The following DPY19L3 variants were observed in gnomAD, a reference collection of about 807,000 sequenced individuals.
The protein encoded by DPY19L3 is protein C-mannosyl-transferase DPY19L3.
In DPY19L3, 51 loss-of-function variants were observed where a neutral mutation model predicts 92.3. That is an observed-to-expected ratio of 0.55 (90% confidence interval 0.44 to 0.70). The LOEUF (loss-of-function observed/expected upper bound fraction) is 0.70. DPY19L3 is among the 30% of genes least tolerant of loss of function. The pLI, the probability that DPY19L3 is intolerant of heterozygous loss-of-function variation, is 0.00. For missense variants in DPY19L3, 706 were observed against 855.9 expected (o/e 0.82, Z 2.18); for synonymous variants, 309 against 315.2 (o/e 0.98, Z 0.21).
At chr19:32,433,356 C>G (rs565661442) in intron 4 of DPY19L3, among the ~76,000 whole-genome samples, 2 of 152,276 alleles carry the variant, frequency 1.3e-5, no homozygotes, top group East Asian at 3.9e-4. Flanking sequence ...GAAAACTGCT[C>G]TTTTATAGGC....
intron 8 of DPY19L3, among the ~76,000 whole-genome samples, chr19:32,446,759 CA>C (rs1264226092): frequency 6.6e-6 from 1 of 152,192 alleles, no homozygotes; most frequent in African/African-American, 2.4e-5. Flanking sequence ...GAAAAATTCA[CA>C]ATCGCAGTTT....
At chr19:32,434,320 TGC>T (rs1026355436) in intron 4 of DPY19L3, among the ~76,000 whole-genome samples, 1 of 152,180 alleles carries the variant, frequency 6.6e-6, no homozygotes, top group Non-Finnish European at 1.5e-5. Context: ...GTCTGTTTTA[TGC>T]CATGTCCTTT....
chr19:32,482,350 A>T lies in DPY19L3; in HGVS notation c.*110A>T. 1 of 1,265,696 alleles carries T rather than the reference A, an allele frequency of 7.9e-7. No individual in the cohort carries two copies. The allele number at this position is 1,265,696 out of a possible 1,614,324, so 78.4% of individuals were successfully genotyped here. The stretch of plus-strand genomic sequence containing the variant: ...AGGTAGCCCAAACCTTCAAGCTGTG[A>T]TATGAGTAAGTTCTACAGATGTTTA... On this transcript the variant is annotated 3_prime_UTR_variant, in exon 19 of 19. Coordinates refer to ENST00000392250, the MANE Select transcript of DPY19L3 (RefSeq NM_001172774.2).
chr19:32,470,727 T>G (rs1263529995), intron 16 of DPY19L3, among the ~76,000 whole-genome samples: 2 of 151,822 alleles, frequency 1.3e-5, no homozygotes, highest in Admixed American at 6.6e-5. Context: ...AGACCCTCCT[T>G]TTGCTAACAG....
chr19:32,411,405 C>G (rs1265439776), intron 3 of DPY19L3, 33 bp downstream of exon 3: 2 of 1,612,158 alleles, frequency 1.2e-6, no homozygotes, highest in East Asian at 2.2e-5. Flanking sequence ...GTATCATTCA[C>G]TCAGTGGGAT....
At chr19:32,450,226 CAG>C (rs765779930) in intron 8 of DPY19L3, among the ~76,000 whole-genome samples, 46 of 152,076 alleles carry the variant, frequency 3.0e-4, no homozygotes, top group Non-Finnish European at 5.9e-4. Context: ...AATTAAAAAA[CAG>C]AGACAAATGT....
intron 7 of DPY19L3, among the ~76,000 whole-genome samples, chr19:32,439,528 A>G (rs925561010): frequency 1.3e-5 from 2 of 152,180 alleles, no homozygotes; most frequent in African/African-American, 4.8e-5. Context: ...CTTGCTCTTG[A>G]GATGTGATTT....
At chr19:32,433,827 A>G (rs1485998742) in intron 4 of DPY19L3, among the ~76,000 whole-genome samples, 2 of 152,190 alleles carry the variant, frequency 1.3e-5, no homozygotes, top group African/African-American at 2.4e-5. Flanking sequence ...CCCTGTGATG[A>G]TAGCCAGATT....
At chr19:32,409,489 T>C (rs1361565737) in intron 2 of DPY19L3, among the ~76,000 whole-genome samples, 1 of 152,264 alleles carries the variant, frequency 6.6e-6, no homozygotes, top group African/African-American at 2.4e-5. Flanking sequence ...TGTGGCCATA[T>C]GTTTGTTTAA....
At chr19:32,427,258 G>A (rs1439989833) in intron 3 of DPY19L3, among the ~76,000 whole-genome samples, 2 of 152,168 alleles carry the variant, frequency 1.3e-5, no homozygotes, top group African/African-American at 2.4e-5. Flanking sequence ...GCCTTCTAAA[G>A]TGCTGGGGTT....
intron 5 of DPY19L3, 142 bp downstream of exon 5, chr19:32,436,709 A>C: frequency 2.6e-6 from 2 of 761,514 alleles, no homozygotes; most frequent in Non-Finnish European, 2.0e-6. Context: ...TTCCATGTAT[A>C]TTATGAACTT....
At chr19:32,473,449 T>C in intron 16 of DPY19L3, among the ~76,000 whole-genome samples, 1 of 152,232 alleles carries the variant, frequency 6.6e-6, no homozygotes, top group Non-Finnish European at 1.5e-5. Flanking sequence ...AGAGTGTCTG[T>C]GAAGGAAGAG....
At chr19:32,410,474 T>TA (rs1239440821) in intron 2 of DPY19L3, among the ~76,000 whole-genome samples, 5 of 151,500 alleles carry the variant, frequency 3.3e-5, no homozygotes, top group African/African-American at 7.3e-5. Context: ...CCTGTGGGTT[T>TA]AAAAAAAAAG....
chr19:32,463,353 CT>C lies in DPY19L3; in HGVS notation c.1323-12del. 6.2e-7 allele frequency: 1 copy of C among 1,612,380 alleles called. No homozygotes were observed. The highest frequency in any genetic ancestry group is 8.5e-7 in the Non-Finnish European group (1 of 1,179,288). ...TTTCCAGCTTAAATTTTGTATGTTG[CT>C]GTTTTACTCAGTGATTCTACAAATC... On this transcript the variant is annotated splice_polypyrimidine_tract_variant and intron_variant, in intron 12 of 18. Coordinates refer to ENST00000392250, the MANE Select transcript of DPY19L3 (RefSeq NM_001172774.2).
intron 16 of DPY19L3, among the ~76,000 whole-genome samples, chr19:32,474,698 C>T (rs1970454029): frequency 6.6e-6 from 1 of 152,124 alleles, no homozygotes; most frequent in Non-Finnish European, 1.5e-5. Flanking sequence ...TCAAGTGATT[C>T]TCCCTCCTCA....
chr19:32,418,927 G>A (rs1401847474), intron 3 of DPY19L3, among the ~76,000 whole-genome samples: 1 of 151,910 alleles, frequency 6.6e-6, no homozygotes, highest in African/African-American at 2.4e-5. Context: ...ATAGCAACTG[G>A]AAAGTTGAAG....
chr19:32,412,003 T>G (rs1968200542), intron 3 of DPY19L3: 1 of 152,200 alleles, frequency 6.6e-6, no homozygotes. Context: ...AAGCTTCCTG[T>G]GTCACTGGGA....
chr19:32,422,366 G>T (rs1272661088), intron 3 of DPY19L3, among the ~76,000 whole-genome samples: 1 of 152,104 alleles, frequency 6.6e-6, no homozygotes, highest in South Asian at 2.1e-4. Context: ...AATATGAACT[G>T]GCAGACTTTA....
chr19:32,424,919 A>C (rs1968706266), intron 3 of DPY19L3, among the ~76,000 whole-genome samples: 1 of 152,250 alleles, frequency 6.6e-6, no homozygotes, highest in African/African-American at 2.4e-5. Flanking sequence ...GAATACAGAC[A>C]TAAATCCTTA....
Sources: allele counts gnomAD v4.1 joint callset (sites outside exome capture counted in the v4.1 genomes callset), GRCh38; gene constraint gnomAD v4.1.1; transcripts MANE v1.5; gene names NCBI Gene and HGNC (gene_info 2026-07-23, HGNC 2026-07-21).